The following ADCY1 variants were observed in gnomAD, a reference collection of about 807,000 sequenced individuals.
The protein encoded by ADCY1 is adenylate cyclase type 1.
Under a neutral mutation model 105.4 loss-of-function variants are expected in ADCY1, and 28 were observed. The ratio of observed to expected loss-of-function variants is 0.27; its 90% CI spans 0.20 to 0.36. The LOEUF (loss-of-function observed/expected upper bound fraction) is 0.36, where lower values mean the gene tolerates loss of function less well. Among genes scored for constraint, ADCY1 ranks in the 10% least tolerant of loss-of-function variants. The probability of loss-of-function intolerance (pLI) is 1.00; values close to 1 mark genes in which losing one functional copy is unlikely to be tolerated. For synonymous variants in ADCY1, 655 were observed against 623.8 expected (o/e 1.05, Z -0.75); for missense variants, 977 against 1,434.2 (o/e 0.68, Z 5.15).
intron 17 of ADCY1, 135 bp downstream of exon 17, chr7:45,704,751 G>A: frequency 2.9e-6 from 2 of 679,280 alleles, no homozygotes; most frequent in South Asian, 3.6e-5. Flanking sequence ...CTTGAGTGCT[G>A]TTTTTGTCCG....
chr7:45,683,591 G>A (rs1266934043), intron 11 of ADCY1, among the ~76,000 whole-genome samples: 1 of 152,148 alleles, frequency 6.6e-6, no homozygotes, highest in Non-Finnish European at 1.5e-5. Context: ...GGTCATTGGG[G>A]CCATTTTGTC....
At chr7:45,631,682 A>T (rs111632258) in intron 4 of ADCY1, among the ~76,000 whole-genome samples, 125 of 152,366 alleles carry the variant, frequency 8.2e-4, no homozygotes, top group African/African-American at 2.7e-3. Flanking sequence ...GTGTATTCAT[A>T]ATTTTTGTGC....
chr7:45,668,481 A>G (rs535942861), intron 8 of ADCY1, among the ~76,000 whole-genome samples: 1 of 152,336 alleles, frequency 6.6e-6, no homozygotes, highest in South Asian at 2.1e-4. Context: ...GATGAAGCCC[A>G]CTTGATCATG....
At chr7:45,599,669 C>A (rs997668747) in intron 2 of ADCY1, among the ~76,000 whole-genome samples, 2 of 151,604 alleles carry the variant, frequency 1.3e-5, no homozygotes, top group Admixed American at 1.3e-4. Context: ...TTCTGTCACC[C>A]CAGCTTGAGT....
At position 45,667,609 on chromosome 7, in the gene ADCY1, T is replaced by C. The variant is rs533217235; in HGVS notation, c.1605+5395T>C. On this transcript the variant is annotated intron_variant, in intron 8 of 19. Coordinates refer to ENST00000297323, the MANE Select transcript of ADCY1 (RefSeq NM_021116.4). ...TTGGCTTAGGATTGACTTGGCGATG[T>C]GGGCTCTTTTTTGGTTCCATATGAA... Among the ~76,000 whole-genome samples, 6 of 152,326 alleles carry C rather than the reference T, an allele frequency of 3.9e-5. No individual in the cohort carries two copies. In the East Asian group the frequency reaches 9.6e-4, roughly 24 times the overall value.
chr7:45,595,961 T>G (rs1562679515), intron 2 of ADCY1, among the ~76,000 whole-genome samples: 1 of 152,260 alleles, frequency 6.6e-6, no homozygotes, highest in Non-Finnish European at 1.5e-5. Flanking sequence ...CTGATGTCAG[T>G]GCAGGGAGCC....
intron 19 of ADCY1, among the ~76,000 whole-genome samples, chr7:45,711,682 T>TAC (rs1280864048): frequency 7.0e-6 from 1 of 142,182 alleles, no homozygotes; most frequent in African/African-American, 2.6e-5. Flanking sequence ...TACACATATA[T>TAC]ACACACACAT....
intron 8 of ADCY1, among the ~76,000 whole-genome samples, chr7:45,671,402 G>A (rs1028214381): frequency 1.3e-5 from 2 of 152,198 alleles, no homozygotes; most frequent in Non-Finnish European, 2.9e-5. Context: ...ATTGTCGTGC[G>A]AAATTTTGTG....
At chr7:45,652,368 G>C (rs570431951) in intron 5 of ADCY1, among the ~76,000 whole-genome samples, 35 of 152,300 alleles carry the variant, frequency 2.3e-4, no homozygotes, top group Admixed American at 2.1e-3. Context: ...CTCTGATAGA[G>C]GGTGGGTGTT....
chr7:45,589,997 C>T (rs922047958), intron 1 of ADCY1, among the ~76,000 whole-genome samples: 9 of 152,066 alleles, frequency 5.9e-5, no homozygotes, highest in African/African-American at 2.2e-4. Flanking sequence ...AATGGGGAGG[C>T]AAGCTAACGA....
At chr7:45,597,775 C>T (rs556832501) in intron 2 of ADCY1, among the ~76,000 whole-genome samples, 10 of 152,314 alleles carry the variant, frequency 6.6e-5, no homozygotes, top group African/African-American at 2.4e-4. Context: ...CTCAGGGCAG[C>T]CCATAGAACA....
chr7:45,664,306 A>G (rs1479452068), intron 8 of ADCY1: 4 of 1,536,044 alleles, frequency 2.6e-6, no homozygotes, highest in Non-Finnish European at 3.5e-6. Flanking sequence ...TCCATCCCTC[A>G]CTGAGTGGCC....
chr7:45,581,838 CACAT>C (rs1792555038), intron 1 of ADCY1, among the ~76,000 whole-genome samples: 2 of 152,258 alleles, frequency 1.3e-5, no homozygotes, highest in South Asian at 4.2e-4. Flanking sequence ...CTCATACACA[CACAT>C]AAACACACAC....
At chr7:45,652,274 G>T (rs112243577) in intron 5 of ADCY1, among the ~76,000 whole-genome samples, 1 of 152,188 alleles carries the variant, frequency 6.6e-6, no homozygotes, top group African/African-American at 2.4e-5. Flanking sequence ...GGGTGGGGAC[G>T]TAGAGCCAAA....
chr7:45,650,599 A>G (rs1303699859), intron 5 of ADCY1, among the ~76,000 whole-genome samples: 1 of 152,028 alleles, frequency 6.6e-6, no homozygotes, highest in Admixed American at 6.5e-5. Context: ...TCTGCCCTTG[A>G]AGGTTGGTGA....
intron 8 of ADCY1, chr7:45,664,362 G>A (rs960999599): frequency 2.6e-6 from 4 of 1,536,076 alleles, no homozygotes; most frequent in East Asian, 2.4e-5. Flanking sequence ...CAACGGGGAC[G>A]ACTGTGCACG....
Position 45,622,737 on chromosome 7 carries a change from A to C in ADCY1, c.1014A>C (p.Leu338Phe), listed in dbSNP as rs1273535086. ...AGCTCTTCGGCAAGTTCGATGAATT[A>C]GCCACGGTAAGTGCAGCGTTTTTCT... ...LNELFGKFDE[L>F]ATENHCRRIK... Residue 338 changes from leucine (L) to phenylalanine (F), a missense_variant, in exon 4 of 20, where the codon TTA (leucine) becomes TTC (phenylalanine). Physicochemically the swap from Leu to Phe is conservative, Grantham distance 22. This residue lies in a region of ADCY1 where 196 missense variants were observed against 347.8 expected (regional missense o/e 0.56). Coordinates refer to ENST00000297323, the MANE Select transcript of ADCY1 (RefSeq NM_021116.4). 2 of 1,609,992 alleles carry C rather than the reference A, an allele frequency of 1.2e-6. No individual in the cohort carries two copies. The highest frequency in any genetic ancestry group is 1.7e-4 in the Middle Eastern group (1 of 6,058).
chr7:45,631,376 A>G (rs991261344), intron 4 of ADCY1, among the ~76,000 whole-genome samples: 1 of 152,228 alleles, frequency 6.6e-6, no homozygotes, highest in Non-Finnish European at 1.5e-5. Context: ...TAACTCTGCA[A>G]ATGTCCTCTC....
rs937648608 is a variant in ADCY1 at position 45,575,579 on chromosome 7, A to G, written c.639+397A>G. 1.3e-5 allele frequency among the ~76,000 whole-genome samples: 2 copies of G among 152,264 alleles called. No homozygotes were observed. The highest frequency in any genetic ancestry group is 4.8e-5 in the African/African-American group (2 of 41,478). On this transcript the variant is annotated intron_variant, in intron 1 of 19. Coordinates refer to ENST00000297323, the MANE Select transcript of ADCY1 (RefSeq NM_021116.4). The surrounding 1 kb of genome is among the most constrained non-coding windows in gnomAD (Gnocchi z 4.7). ...GAGCAGACCCCCAGGGCAAGCTCCA[A>G]GGCCGGCTCTGCGCGCAGCGCTGGG...
Sources: gnomAD v4.1 joint callset for allele counts (sites outside exome capture counted in the v4.1 genomes callset) on GRCh38, gnomAD v4.1.1 for gene constraint, gnomAD v4.1.1 regional missense constraint, Gnocchi (gnomAD v3.1) non-coding constraint, MANE v1.5 for transcripts, NCBI Gene and HGNC (gene_info 2026-07-23, HGNC 2026-07-21) for gene names.